SGMS1: variants seen among roughly 807,000 people sequenced by gnomAD.
SGMS1 encodes the protein sphingomyelin synthase 1.
In SGMS1, 13 loss-of-function variants were observed where a neutral mutation model predicts 46.2. The observed-to-expected ratio is 0.28, with a 90% confidence interval of 0.18 to 0.45. The LOEUF is 0.45. Among genes scored for constraint, SGMS1 ranks in the 20% least tolerant of loss-of-function variants. SGMS1 has a pLI of 1.00. For missense variants in SGMS1, 324 were observed against 519.9 expected, an observed-to-expected ratio of 0.62 and a Z score of 3.66; for synonymous variants, 203 against 187.8, an observed-to-expected ratio of 1.08 and a Z score of -0.66.
At chr10:50,309,434 T>A (rs1425903804) in intron 9 of SGMS1, among the ~76,000 whole-genome samples, 1 of 152,224 alleles carries the variant, frequency 6.6e-6, no homozygotes, top group African/African-American at 2.4e-5. Context: ...ATAGAGCTAG[T>A]AAGTGATAGT....
In SGMS1 at chr10:50,623,036, C is replaced by G. The variant is rs554598507; in HGVS notation, c.-684+671G>C. Among the ~76,000 whole-genome samples, 13 of 152,328 alleles carry G rather than the reference C, an allele frequency of 8.5e-5. 1 individual carries two copies. The South Asian group carries it at 1.2e-3, about 15-fold the overall frequency. On this transcript the variant is annotated intron_variant, in intron 1 of 10. Coordinates refer to ENST00000361781, the MANE Select transcript of SGMS1 (RefSeq NM_147156.4). ...GCCTTGCCCCTAAACGTCCCCGCCC[C>G]GCGGGGGCAGCCCTGCGGGGTCTCA... is the stretch of plus-strand genomic sequence containing the variant.
intron 2 of SGMS1, among the ~76,000 whole-genome samples, chr10:50,572,273 A>C (rs1838342834): frequency 6.6e-6 from 1 of 152,180 alleles, no homozygotes; most frequent in Admixed American, 6.5e-5. Context: ...CCCAAACACC[A>C]CAGGTTTTCC....
intron 2 of SGMS1, among the ~76,000 whole-genome samples, chr10:50,568,919 C>A (rs766381397): frequency 6.6e-6 from 1 of 151,954 alleles, no homozygotes; most frequent in Non-Finnish European, 1.5e-5. Context: ...CAATGACAGG[C>A]TGGATAAAGA....
intron 2 of SGMS1, among the ~76,000 whole-genome samples, chr10:50,572,383 C>A (rs1838343937): frequency 6.6e-6 from 1 of 152,150 alleles, no homozygotes; most frequent in Admixed American, 6.5e-5. Flanking sequence ...ACATTCTCAT[C>A]CATTTGCCAA....
chr10:50,365,255 C>CAAAAAAAAAAAAAAAAAAAAAAAAAAAAA lies in SGMS1; in HGVS notation c.-231-20911_-231-20910insTTTTTTTTTTTTTTTTTTTTTTTTTTTTT, dbSNP rs67951872. ...GCGACGGAGTGAGACTCCATCTCACCAAAAAAAAAAAAAAAAAAAAAAAGC... is the reference window on the plus strand; with the variant it reads ...GCGACGGAGTGAGACTCCATCTCACCAAAAAAAAAAAAAAAAAAAAAAAAAAAAAAAAAAAAAAAAAAAAAAAAAAAAGC... On this transcript the variant is annotated intron_variant, in intron 6 of 10. Coordinates refer to ENST00000361781, the MANE Select transcript of SGMS1 (RefSeq NM_147156.4). Among the ~76,000 whole-genome samples the CAAAAAAAAAAAAAAAAAAAAAAAAAAAAA allele has an allele frequency of 2.0e-3, 91 of 45,030 alleles. 6 individuals are homozygous for CAAAAAAAAAAAAAAAAAAAAAAAAAAAAA. Among genetic ancestry groups the CAAAAAAAAAAAAAAAAAAAAAAAAAAAAA allele is most frequent in the Admixed American group, 2.7e-3 (8 of 2,984 alleles). The allele number at this position is 45,030 out of a possible 152,430, so 29.5% of individuals were successfully genotyped here. A position where few individuals can be genotyped will look rare whatever the true frequency, so the allele number is the denominator to read the frequency against.
chr10:50,445,335 C>T (rs1836997532), intron 5 of SGMS1, among the ~76,000 whole-genome samples: 1 of 152,122 alleles, frequency 6.6e-6, no homozygotes, highest in Non-Finnish European at 1.5e-5. Flanking sequence ...TAAATATACA[C>T]TTACCCAATA....
intron 6 of SGMS1, among the ~76,000 whole-genome samples, chr10:50,396,075 G>A (rs1389664130): frequency 6.6e-6 from 1 of 152,146 alleles, no homozygotes; most frequent in African/African-American, 2.4e-5. Context: ...ACCCTCCAGT[G>A]CATTTCCTCC....
At chr10:50,359,166 G>C (rs1270632568) in intron 6 of SGMS1, among the ~76,000 whole-genome samples, 3 of 152,136 alleles carry the variant, frequency 2.0e-5, no homozygotes, top group Non-Finnish European at 2.9e-5. Context: ...TTGCTGGAGT[G>C]TATGTATTTT....
intron 5 of SGMS1, among the ~76,000 whole-genome samples, chr10:50,437,230 C>T (rs1849485883): frequency 6.6e-6 from 1 of 152,156 alleles, no homozygotes; most frequent in Non-Finnish European, 1.5e-5. Flanking sequence ...TGTTCCAGCC[C>T]ACTTCACTAG....
chr10:50,385,688 G>A (rs992850117), intron 6 of SGMS1, among the ~76,000 whole-genome samples: 1 of 152,294 alleles, frequency 6.6e-6, no homozygotes, highest in South Asian at 2.1e-4. Context: ...GGCATGCTGG[G>A]AGTAGGAGAG....
At chr10:50,394,908 A>C (rs1168375988) in intron 6 of SGMS1, among the ~76,000 whole-genome samples, 1 of 152,216 alleles carries the variant, frequency 6.6e-6, no homozygotes, top group African/African-American at 2.4e-5. Context: ...TTTTAAAGTA[A>C]TGAACCAGAT....
At chr10:50,328,349 G>A (rs1364614956) in intron 7 of SGMS1, among the ~76,000 whole-genome samples, 2 of 152,124 alleles carry the variant, frequency 1.3e-5, no homozygotes, top group African/African-American at 4.8e-5. Context: ...CCCAAACAAG[G>A]AAAATTTAGA....
intron 2 of SGMS1, among the ~76,000 whole-genome samples, chr10:50,576,769 A>G (rs1221757885): frequency 3.3e-5 from 5 of 152,222 alleles, no homozygotes; most frequent in Admixed American, 3.3e-4. Context: ...CACCACATGT[A>G]TATACATAAG....
chr10:50,422,341 T>C (rs567818902), intron 6 of SGMS1, among the ~76,000 whole-genome samples: 1 of 152,166 alleles, frequency 6.6e-6, no homozygotes, highest in African/African-American at 2.4e-5. Flanking sequence ...CTTTGACTGC[T>C]GACACATCAA....
chr10:50,369,112 A>C (rs1403990796), intron 6 of SGMS1, among the ~76,000 whole-genome samples: 1 of 152,252 alleles, frequency 6.6e-6, no homozygotes, highest in East Asian at 1.9e-4. Context: ...GATAAATGAC[A>C]ACAGGGGACA....
intron 2 of SGMS1, among the ~76,000 whole-genome samples, chr10:50,588,514 T>C (rs549069438): frequency 1.3e-4 from 20 of 152,354 alleles, no homozygotes; most frequent in East Asian, 9.6e-4. Context: ...AACATGTCTT[T>C]GAGATTTTAA....
intron 3 of SGMS1, among the ~76,000 whole-genome samples, chr10:50,504,852 C>T (rs1295600322): frequency 6.6e-6 from 1 of 152,182 alleles, no homozygotes; most frequent in Non-Finnish European, 1.5e-5. Flanking sequence ...CTGCTGCTCT[C>T]AAATTTCCCT....
chr10:50,345,541 CATAA>C (rs892647351), intron 6 of SGMS1, among the ~76,000 whole-genome samples: 1 of 152,096 alleles, frequency 6.6e-6, no homozygotes, highest in African/African-American at 2.4e-5. Context: ...TAAATTTATG[CATAA>C]ATAGAAACAT....
At chr10:50,417,066 T>C (rs1002698192) in intron 6 of SGMS1, among the ~76,000 whole-genome samples, 7 of 152,212 alleles carry the variant, frequency 4.6e-5, no homozygotes, top group African/African-American at 1.4e-4. Context: ...TTTATGTTAC[T>C]GGGACGTCTT....
Sources: gnomAD v4.1 joint callset for allele counts (sites outside exome capture counted in the v4.1 genomes callset) on GRCh38, gnomAD v4.1.1 for gene constraint, MANE v1.5 for transcripts, NCBI Gene and HGNC (gene_info 2026-07-23, HGNC 2026-07-21) for gene names.